FSTL4: variants seen among roughly 807,000 people sequenced by gnomAD.
FSTL4 encodes follistatin-related protein 4.
A neutral mutation model predicts 78.2 loss-of-function variants in FSTL4; 28 were observed. The ratio of observed to expected loss-of-function variants is 0.36; its 90% CI spans 0.27 to 0.49. The LOEUF (loss-of-function observed/expected upper bound fraction) is 0.49. Ranked by LOEUF, FSTL4 falls within the 20% of genes least tolerant of loss-of-function variation. The pLI is 0.98. For missense variants in FSTL4, 922 were observed against 1,084.9 expected (o/e 0.85, Z 2.11); for synonymous variants, 422 against 440.5 (o/e 0.96, Z 0.53).
chr5:133,442,159 A>G (rs777200545), intron 3 of FSTL4, among the ~76,000 whole-genome samples: 5 of 152,226 alleles, frequency 3.3e-5, no homozygotes, highest in Non-Finnish European at 5.9e-5. Flanking sequence ...TGAGGTGGCA[A>G]TCACCTTCCA....
chr5:133,430,687 CCT>C (rs1246987971), intron 3 of FSTL4, among the ~76,000 whole-genome samples: 2 of 152,142 alleles, frequency 1.3e-5, no homozygotes, highest in Non-Finnish European at 1.5e-5. Context: ...CTCTTCCCTC[CCT>C]CTTTCCCTTC....
chr5:133,566,991 A>G (rs1439470886), intron 3 of FSTL4, among the ~76,000 whole-genome samples, 195 bp downstream of exon 3: 1 of 152,198 alleles, frequency 6.6e-6, no homozygotes, highest in Non-Finnish European at 1.5e-5. Flanking sequence ...TAGAAGTCAT[A>G]GTTTTCACAA....
intron 3 of FSTL4, among the ~76,000 whole-genome samples, chr5:133,530,892 G>A (rs762165719): frequency 5.3e-5 from 8 of 152,202 alleles, no homozygotes; most frequent in Non-Finnish European, 8.8e-5. Flanking sequence ...TGGGCTCTCC[G>A]TGGTCTTTCC....
intron 3 of FSTL4, among the ~76,000 whole-genome samples, chr5:133,524,729 G>A (rs1235731436): frequency 2.0e-5 from 3 of 152,120 alleles, no homozygotes; most frequent in South Asian, 2.1e-4. Context: ...AACGTATAGC[G>A]CTAAAGCCAG....
the FSTL4 span, among the ~76,000 whole-genome samples, chr5:133,750,381 C>T: frequency 1.3e-5 from 2 of 152,236 alleles, no homozygotes; most frequent in Non-Finnish European, 1.5e-5. Context: ...CCCATTTCCT[C>T]ACTGCCCTGG....
intron 4 of FSTL4, among the ~76,000 whole-genome samples, chr5:133,371,216 C>T (rs1755290886): frequency 6.6e-6 from 1 of 152,220 alleles, no homozygotes; most frequent in African/African-American, 2.4e-5. Flanking sequence ...ATGGAATGAG[C>T]CACACAACCT....
At chr5:133,794,858 C>A in the FSTL4 span, among the ~76,000 whole-genome samples, 1 of 152,148 alleles carries the variant, frequency 6.6e-6, no homozygotes, top group East Asian at 1.9e-4. Flanking sequence ...AGATCCATCA[C>A]CAGCCACCCT....
At chr5:133,774,064 G>A in the FSTL4 span, among the ~76,000 whole-genome samples, 3 of 152,104 alleles carry the variant, frequency 2.0e-5, no homozygotes, top group South Asian at 2.1e-4. Flanking sequence ...TACGCTAACC[G>A]CTTCTGACTG....
intron 4 of FSTL4, among the ~76,000 whole-genome samples, chr5:133,328,931 G>A (rs1218178435): frequency 5.3e-5 from 8 of 152,190 alleles, no homozygotes; most frequent in African/African-American, 1.4e-4. Context: ...CAGCGTCAGC[G>A]AGGCAATGGC....
intron 3 of FSTL4, among the ~76,000 whole-genome samples, chr5:133,554,378 A>T (rs1759745855): frequency 6.6e-6 from 1 of 152,180 alleles, no homozygotes; most frequent in Admixed American, 6.5e-5. Flanking sequence ...AATGTCTCTG[A>T]TCCATGACAC....
intron 3 of FSTL4, among the ~76,000 whole-genome samples, chr5:133,479,689 TG>T: frequency 6.6e-6 from 1 of 152,084 alleles, no homozygotes; most frequent in East Asian, 1.9e-4. Flanking sequence ...GGGGTGGGCA[TG>T]GGGGTGCCTG....
the FSTL4 span, among the ~76,000 whole-genome samples, chr5:133,832,464 T>A: frequency 2.0e-5 from 3 of 152,238 alleles, no homozygotes; most frequent in African/African-American, 4.8e-5. Context: ...GGACCAGGTC[T>A]GTGTGGACGA....
the FSTL4 span, among the ~76,000 whole-genome samples, chr5:133,690,356 G>T: frequency 6.6e-6 from 1 of 152,146 alleles, no homozygotes; most frequent in African/African-American, 2.4e-5. Context: ...GAGAACCAAG[G>T]TGGAATTATG....
intron 6 of FSTL4, among the ~76,000 whole-genome samples, chr5:133,309,490 A>C (rs1209512291): frequency 6.6e-6 from 1 of 152,162 alleles, no homozygotes; most frequent in Non-Finnish European, 1.5e-5. Context: ...ACTGCCTGCC[A>C]CCCTGGAGGA....
At chr5:133,763,728 T>C in the FSTL4 span, among the ~76,000 whole-genome samples, 7 of 152,262 alleles carry the variant, frequency 4.6e-5, no homozygotes, top group South Asian at 6.2e-4. Context: ...CAGATATAGC[T>C]AACCATTCTT....
At chr5:133,661,679 G>C in the FSTL4 span, among the ~76,000 whole-genome samples, 1 of 152,218 alleles carries the variant, frequency 6.6e-6, no homozygotes, top group Non-Finnish European at 1.5e-5. Context: ...AGTATGAAAA[G>C]TGGTTTCCAA....
the FSTL4 span, among the ~76,000 whole-genome samples, chr5:133,834,883 T>G: frequency 2.0e-5 from 3 of 151,998 alleles, no homozygotes; most frequent in African/African-American, 7.2e-5. Context: ...ATATATTTTA[T>G]GAAAAATGCA....
chr5:133,342,451 C>T (rs907485059), intron 4 of FSTL4, among the ~76,000 whole-genome samples: 1 of 152,236 alleles, frequency 6.6e-6, no homozygotes, highest in Non-Finnish European at 1.5e-5. Context: ...CATTCATCTT[C>T]TACTTACAGC....
At chr5:133,513,780 C>T (rs1758789654) in intron 3 of FSTL4, among the ~76,000 whole-genome samples, 1 of 152,072 alleles carries the variant, frequency 6.6e-6, no homozygotes, top group Admixed American at 6.5e-5. Context: ...AGAATCTGTA[C>T]ATTGCGACAA....
Sources: gnomAD v4.1 joint callset for allele counts (sites outside exome capture counted in the v4.1 genomes callset) on GRCh38, gnomAD v4.1.1 for gene constraint, MANE v1.5 for transcripts, NCBI Gene and HGNC (gene_info 2026-07-23, HGNC 2026-07-21) for gene names.